Variants in EPG5 observed in about 807,000 individuals in gnomAD.
The protein encoded by EPG5 is ectopic P granules protein 5 homolog.
A neutral mutation model predicts 302.7 loss-of-function variants in EPG5; 159 were observed. That is an observed-to-expected ratio of 0.53 (90% CI 0.46 to 0.60). EPG5 has a LOEUF of 0.60. Ranked by LOEUF, EPG5 falls within the 20% of genes least tolerant of loss-of-function variation. The pLI is 0.00. For synonymous variants in EPG5, 1,158 were observed against 1,136.8 expected (o/e 1.02, Z -0.37); for missense variants, 2,896 against 3,092.4 (o/e 0.94, Z 1.51).
At chr18:45,909,727 G>A (rs150057396) in intron 23 of EPG5, among the ~76,000 whole-genome samples, 1 of 152,300 alleles carries the variant, frequency 6.6e-6, no homozygotes, top group African/African-American at 2.4e-5. Context: ...CATCTCAGGT[G>A]GATCCCTGAA....
chr18:45,901,551 A>G (rs1266373270), intron 25 of EPG5, among the ~76,000 whole-genome samples: 1 of 152,230 alleles, frequency 6.6e-6, no homozygotes, highest in Non-Finnish European at 1.5e-5. Flanking sequence ...GGAATAGAAG[A>G]AAAAGGAATA....
intron 11 of EPG5, 25 bp downstream of exon 11, chr18:45,934,784 C>G (rs138402597): frequency 6.3e-7 from 1 of 1,583,494 alleles, no homozygotes; most frequent in Non-Finnish European, 8.6e-7. Flanking sequence ...GAGAGCTGGA[C>G]GCCGACTGCT....
intron 30 of EPG5, among the ~76,000 whole-genome samples, chr18:45,882,892 G>A (rs187992129): frequency 1.1e-3 from 173 of 151,546 alleles, no homozygotes; most frequent in Middle Eastern, 3.4e-3. Context: ...CTGTAATCCC[G>A]GCTACTCAGG....
rs2048502939 is a variant in EPG5 at position 45,855,705 on chromosome 18, G to C, written c.7443-18C>G. 1.9e-6 allele frequency: 3 copies of C among 1,560,792 alleles called. No individual in the cohort carries two copies. In the South Asian group the frequency reaches 3.3e-5, roughly 17 times the overall value. On this transcript the variant is annotated intron_variant, in intron 42 of 43. Transcript: ENST00000282041. ...CTCGGAACCTTAGGCATTAGGGAGA[G>C]GTCAGAAGAAGTAAATGGCTATTAA... is the stretch of plus-strand genomic sequence containing the variant.
intron 43 of EPG5, chr18:45,855,340 C>T (rs2048492476): frequency 6.9e-6 from 3 of 437,760 alleles, no homozygotes; most frequent in South Asian, 4.0e-5. Context: ...ACAGACTTTT[C>T]GTTTGGCCTT....
Position 45,848,186 on chromosome 18 carries a change from T to C in EPG5, c.*4281A>G, listed in dbSNP as rs2048382125. Reference sequence around the variant, plus strand: ...AATGGAAGATGGTAGAAGGGGATACTTTCTTTTAATCAACACACTTATTTC... The same window carrying C: ...AATGGAAGATGGTAGAAGGGGATACCTTCTTTTAATCAACACACTTATTTC... On this transcript the variant is annotated 3_prime_UTR_variant, in exon 44 of 44. Coordinates refer to ENST00000282041, the MANE Select transcript of EPG5 (RefSeq NM_020964.3). 6.6e-6 allele frequency: 1 copy of C among 152,224 alleles called. No individual in the cohort carries two copies. The highest frequency in any genetic ancestry group is 1.5e-5 in the Non-Finnish European group (1 of 68,050). The allele number at this position is 152,224 out of a possible 1,614,324, so 9.4% of individuals were successfully genotyped here. A position where few individuals can be genotyped will look rare whatever the true frequency, so the allele number is the denominator to read the frequency against.
intron 27 of EPG5, 79 bp downstream of exon 27, chr18:45,899,325 T>G (rs1477286662): frequency 6.5e-7 from 1 of 1,538,076 alleles, no homozygotes; most frequent in African/African-American, 1.4e-5. Context: ...ATATATGTCT[T>G]TCAATCTTTC....
At chr18:45,967,115 A>C in intron 1 of EPG5, 62 bp downstream of exon 1, 3 of 1,505,106 alleles carry the variant, frequency 2.0e-6, no homozygotes, top group Non-Finnish European at 2.7e-6. Context: ...GGGAGGCCGA[A>C]GAGAGGAGCA....
chr18:45,804,580 A>G, the EPG5 span, among the ~76,000 whole-genome samples: 1 of 152,222 alleles, frequency 6.6e-6, no homozygotes, highest in Non-Finnish European at 1.5e-5. Flanking sequence ...TTCTTATATC[A>G]GAAGCAATGG....
In EPG5 at chr18:45,922,457, G is replaced by A. The variant is rs201209457; in HGVS notation, c.2982C>T (p.Ser994=). 5 of 1,614,110 alleles carry A rather than the reference G, an allele frequency of 3.1e-6. No homozygotes were observed. Among genetic ancestry groups the A allele is most frequent in the South Asian group, 2.2e-5 (2 of 91,076 alleles). ...ACTCTGTCATGTCAGGCACAGTGAC[G>A]GAGAAGGGAACAGCTGGACAATTCG... is the stretch of plus-strand genomic sequence containing the variant. ...IQPNCPAVPF[S]VTVPDMTESP... Residue 994 remains serine (S), a synonymous_variant, in exon 16 of 44, where the codon TCC becomes TCT. Coordinates refer to ENST00000282041, the MANE Select transcript of EPG5 (RefSeq NM_020964.3).
At chr18:45,927,261 G>C (rs866587102) in intron 13 of EPG5, among the ~76,000 whole-genome samples, 3 of 152,004 alleles carry the variant, frequency 2.0e-5, no homozygotes, top group Middle Eastern at 6.8e-3. Flanking sequence ...GGATGGTCTC[G>C]ATCTCCTGAC....
chr18:45,929,887 G>T (rs2050361990), intron 12 of EPG5, among the ~76,000 whole-genome samples: 2 of 152,120 alleles, frequency 1.3e-5, no homozygotes, highest in South Asian at 4.1e-4. Flanking sequence ...TTCTCAAACT[G>T]GATTATTAGG....
At chr18:45,822,254 T>C in the EPG5 span, among the ~76,000 whole-genome samples, 1 of 152,294 alleles carries the variant, frequency 6.6e-6, no homozygotes, top group African/African-American at 2.4e-5. Flanking sequence ...GCAACATAGA[T>C]AGACCTGGAG....
chr18:45,869,306 TC>T (rs762711992), intron 36 of EPG5, among the ~76,000 whole-genome samples: 1 of 152,204 alleles, frequency 6.6e-6, no homozygotes, highest in Non-Finnish European at 1.5e-5. Flanking sequence ...CTAATTCTCT[TC>T]CTTTTAGAAA....
the EPG5 span, among the ~76,000 whole-genome samples, chr18:45,826,825 C>T: frequency 6.6e-6 from 1 of 152,224 alleles, no homozygotes; most frequent in Admixed American, 6.5e-5. Context: ...TGGGCAGTAA[C>T]AGCAAACCTC....
Position 45,943,182 on chromosome 18 carries a change from T to G in EPG5, c.1922A>C (p.Lys641Thr). 1 of 1,614,144 alleles carries G rather than the reference T, an allele frequency of 6.2e-7. No homozygotes were observed. Among genetic ancestry groups the G allele is most frequent in the African/African-American group, 1.3e-5 (1 of 75,028 alleles). The change falls in exon 9 of 44, where the codon AAG (lysine) becomes ACG (threonine). Residue 641 changes from lysine (K) to threonine (T), a missense_variant. Coordinates refer to ENST00000282041, the MANE Select transcript of EPG5 (RefSeq NM_020964.3). The part of the protein sequence containing the change: ...FNRARYRQFV[K>T]RIGYMIRMTL... ...TTACCTGATCATATAACCAATTCGC[T>G]TCACAAACTGCCTATAGCGTGCTCT...
the EPG5 span, among the ~76,000 whole-genome samples, chr18:45,824,176 G>T: frequency 5.9e-5 from 9 of 152,188 alleles, no homozygotes; most frequent in East Asian, 1.7e-3. Flanking sequence ...TCCTGAACCT[G>T]AAGGGCCTCC....
chr18:45,810,120 A>C, the EPG5 span, among the ~76,000 whole-genome samples: 24 of 152,196 alleles, frequency 1.6e-4, no homozygotes, highest in Non-Finnish European at 1.5e-5. Context: ...CCTAGAAGAG[A>C]TGGATAAATT....
chr18:45,831,350 A>C, the EPG5 span, among the ~76,000 whole-genome samples: 1 of 152,314 alleles, frequency 6.6e-6, no homozygotes, highest in South Asian at 2.1e-4. Flanking sequence ...TGCCTCCCTC[A>C]TTGAATGTCA....
Sources: gnomAD v4.1 joint callset for allele counts (sites outside exome capture counted in the v4.1 genomes callset) on GRCh38, gnomAD v4.1.1 for gene constraint, MANE v1.5 for transcripts, NCBI Gene and HGNC (gene_info 2026-07-23, HGNC 2026-07-21) for gene names.